ZNF143: variants seen among roughly 807,000 people sequenced by gnomAD.
ZNF143 encodes zinc finger protein 143, also known as SPH-binding factor.
Under a neutral mutation model 74.1 loss-of-function variants are expected in ZNF143, and 49 were observed. The observed-to-expected ratio is 0.66, with a 90% CI of 0.53 to 0.84. ZNF143 has a LOEUF of 0.84. Among genes scored for constraint, ZNF143 ranks in the 40% least tolerant of loss-of-function variants. The probability of loss-of-function intolerance (pLI) is 0.00; values close to 1 mark genes in which losing one functional copy is unlikely to be tolerated. For synonymous variants in ZNF143, 304 were observed against 282.8 expected, an observed-to-expected ratio of 1.07 and a Z score of -0.75; for missense variants, 637 against 793.4, an observed-to-expected ratio of 0.80 and a Z score of 2.37.
intron 7 of ZNF143, among the ~76,000 whole-genome samples, chr11:9,488,793 T>G (rs1847659753): frequency 6.6e-6 from 1 of 152,028 alleles, no homozygotes; most frequent in African/African-American, 2.4e-5. Context: ...TAGAATGTTG[T>G]GATAGGAAGT....
intron 7 of ZNF143, among the ~76,000 whole-genome samples, chr11:9,483,750 CTTTT>C (rs753979043): frequency 8.0e-6 from 1 of 124,828 alleles, no homozygotes. Flanking sequence ...GGCCGGAATT[CTTTT>C]TTTTTTTTTT....
chr11:9,485,053 T>G (rs1296076232), intron 7 of ZNF143, among the ~76,000 whole-genome samples: 1 of 150,492 alleles, frequency 6.6e-6, no homozygotes, highest in Non-Finnish European at 1.5e-5. Context: ...TGCCTCGGCC[T>G]TCCAAAGTGC....
At chr11:9,481,069 A>T (rs529580295) in intron 7 of ZNF143, among the ~76,000 whole-genome samples, 1 of 151,944 alleles carries the variant, frequency 6.6e-6, no homozygotes, top group Non-Finnish European at 1.5e-5. Flanking sequence ...TCAGGTCTCA[A>T]TTCATATTCA....
chr11:9,524,940 C>G (rs953197429), intron 14 of ZNF143, among the ~76,000 whole-genome samples: 2 of 152,156 alleles, frequency 1.3e-5, no homozygotes, highest in Non-Finnish European at 2.9e-5. Flanking sequence ...CCCAAGCAGT[C>G]ACTTAGGGGT....
Position 9,475,910 on chromosome 11 carries a change from ATGTGTGTGTGTGTGTGTG to A in ZNF143, c.373+1305_373+1322del, listed in dbSNP as rs61636956. Among the ~76,000 whole-genome samples, 21 of 137,374 alleles carry A rather than the reference ATGTGTGTGTGTGTGTGTG, an allele frequency of 1.5e-4. No homozygotes were observed. The South Asian group carries it at 1.7e-3, about 11-fold the overall frequency. The allele number at this position is 137,374 out of a possible 152,430, so 90.1% of individuals were successfully genotyped here. On this transcript the variant is annotated intron_variant, in intron 5 of 15. Transcript: ENST00000396602. ...GAGACCCTGTCTCAAAAAAATATAT[ATGTGTGTGTGTGTGTGTG>A]TGTGTGTGTGTGTGTGTGTGTGTGT...
At chr11:9,524,817 A>G (rs1446093888) in intron 14 of ZNF143, among the ~76,000 whole-genome samples, 2 of 152,224 alleles carry the variant, frequency 1.3e-5, no homozygotes, top group East Asian at 3.8e-4. Context: ...ATGGAAATCT[A>G]ATTTTAAATA....
intron 7 of ZNF143, among the ~76,000 whole-genome samples, chr11:9,486,948 G>T (rs1490860743): frequency 6.8e-6 from 1 of 146,628 alleles, no homozygotes; most frequent in Admixed American, 6.8e-5. Context: ...GATTACAGGC[G>T]TGAGCCACTG....
chr11:9,501,218 G>A lies in ZNF143; in HGVS notation c.1095G>A (p.Gly365=), dbSNP rs561136182. ...RPYYCTEPGC[G]RAFASATNYK... is the part of the protein sequence containing the mutation. ...ATTACTGCACAGAGCCAGGATGTGG[G>A]AGGGCATTTGCCAGTGCAACAAATT... Residue 365 remains glycine, a synonymous_variant, in exon 11 of 16, where the codon GGG becomes GGA. Transcript: ENST00000396602. The A allele has an allele frequency of 3.1e-6, 5 of 1,614,166 alleles. No individual in the cohort carries two copies. In the South Asian group the frequency reaches 3.3e-5, roughly 11 times the overall value.
chr11:9,465,995 A>ATT (rs142606023), intron 1 of ZNF143, among the ~76,000 whole-genome samples: 5 of 138,234 alleles, frequency 3.6e-5, no homozygotes, highest in African/African-American at 7.9e-5. Context: ...TGTCTGGCTA[A>ATT]TTTTTTTTTT....
chr11:9,480,802 G>A lies in ZNF143; in HGVS notation c.645+1256G>A, dbSNP rs111452962. ...CTCAGGAGGCTGAGGCAGGAGAATC[G>A]CTTGAACCCAGGAGGCAGAGGTTGC... On this transcript the variant is annotated intron_variant, in intron 7 of 15. Coordinates refer to ENST00000396602, the MANE Select transcript of ZNF143 (RefSeq NM_003442.6). Among the ~76,000 whole-genome samples, 1,443 of 151,472 alleles carry A rather than the reference G, an allele frequency of 9.5e-3. 15 individuals are homozygous for A. Among genetic ancestry groups the A allele is most frequent in the Non-Finnish European group, 0.014 (934 of 67,900 alleles).
intron 7 of ZNF143, among the ~76,000 whole-genome samples, chr11:9,486,376 AT>A (rs1565038732): frequency 1.5e-4 from 6 of 38,996 alleles, no homozygotes; most frequent in South Asian, 1.0e-3. Flanking sequence ...TATATAATAT[AT>A]TATATATATA....
intron 5 of ZNF143, among the ~76,000 whole-genome samples, chr11:9,476,157 T>G (rs116525925): frequency 0.017 from 2,522 of 152,132 alleles, 64 homozygotes; most frequent in African/African-American, 0.057. Context: ...AAGCTACTTT[T>G]TTTTTGCTGT....
At chr11:9,493,071 C>CTTTT (rs148050807) in intron 7 of ZNF143, among the ~76,000 whole-genome samples, 29 of 137,342 alleles carry the variant, frequency 2.1e-4, no homozygotes, top group African/African-American at 7.7e-4. Context: ...ATTATGCCTA[C>CTTTT]TTTTTTTTTT....
chr11:9,486,455 T>TATATATATAATATATTATATATATATC (rs1847553298), intron 7 of ZNF143, among the ~76,000 whole-genome samples: 1 of 63,552 alleles, frequency 1.6e-5, no homozygotes, highest in African/African-American at 5.9e-5. Context: ...TTATATATAT[T>TATATATATAATATATTATATATATATC]ATATATATAT....
chr11:9,473,766 G>T, intron 3 of ZNF143, 175 bp from the exon 4 acceptor site: 1 of 1,529,950 alleles, frequency 6.5e-7, no homozygotes, highest in Non-Finnish European at 8.8e-7. Context: ...AGGATTTTCT[G>T]CTTTCTGTAG....
chr11:9,469,300 C>T (rs1856436229), intron 1 of ZNF143, among the ~76,000 whole-genome samples: 1 of 143,640 alleles, frequency 7.0e-6, no homozygotes, highest in Non-Finnish European at 1.5e-5. Context: ...GTTGTGATCT[C>T]GGCTCACTGC....
At chr11:9,466,327 C>T (rs529897686) in intron 1 of ZNF143, among the ~76,000 whole-genome samples, 3 of 145,024 alleles carry the variant, frequency 2.1e-5, no homozygotes, top group Admixed American at 1.4e-4. Flanking sequence ...TGGAGTCTTG[C>T]TCTTGTTGCC....
chr11:9,461,413 G>C (rs1011407330), intron 1 of ZNF143, among the ~76,000 whole-genome samples: 6 of 152,184 alleles, frequency 3.9e-5, no homozygotes, highest in Non-Finnish European at 8.8e-5. Flanking sequence ...GCCCTCGGGA[G>C]CCTTGGCCGC....
At chr11:9,481,841 T>C (rs1328138355) in intron 7 of ZNF143, among the ~76,000 whole-genome samples, 3 of 148,072 alleles carry the variant, frequency 2.0e-5, no homozygotes, top group African/African-American at 7.5e-5. Flanking sequence ...TGAGCCAAGA[T>C]TGTGCCACTG....
Sources: gnomAD v4.1 joint callset for allele counts (sites outside exome capture counted in the v4.1 genomes callset) on GRCh38, gnomAD v4.1.1 for gene constraint, MANE v1.5 for transcripts, NCBI Gene and HGNC (gene_info 2026-07-23, HGNC 2026-07-21) for gene names.